The following COX10 variants were observed in gnomAD, a reference collection of about 807,000 sequenced individuals.
COX10 encodes protoheme IX farnesyltransferase, mitochondrial.
In COX10, 27 loss-of-function variants were observed where a neutral mutation model predicts 37.3. The ratio of observed to expected loss-of-function variants is 0.72; its 90% CI spans 0.53 to 1.00. The LOEUF (loss-of-function observed/expected upper bound fraction) is 1.00. Ranked by LOEUF, COX10 falls within the 50% of genes least tolerant of loss-of-function variation. COX10 has a pLI of 0.00. For synonymous variants in COX10, 222 were observed against 229.1 expected, an observed-to-expected ratio of 0.97 and a Z score of 0.28; for missense variants, 475 against 563.2, an observed-to-expected ratio of 0.84 and a Z score of 1.59.
chr17:14,106,786 T>C (rs1207363551), intron 4 of COX10, among the ~76,000 whole-genome samples: 1 of 152,126 alleles, frequency 6.6e-6, no homozygotes, highest in Non-Finnish European at 1.5e-5. Context: ...GGTTTTTTGG[T>C]CAGTTGTTTG....
intron 4 of COX10, among the ~76,000 whole-genome samples, chr17:14,157,779 G>T (rs1430722935): frequency 1.3e-5 from 2 of 152,308 alleles, no homozygotes; most frequent in Middle Eastern, 3.4e-3. Flanking sequence ...CTCTTGGGCT[G>T]CAGCAGTGCC....
rs540862237 is a variant in COX10, at chr17:14,174,892, T to G, written c.695+14945T>G. Among the ~76,000 whole-genome samples the G allele has an allele frequency of 2.7e-4, 40 of 150,420 alleles. No individual in the cohort carries two copies. In the East Asian group the frequency reaches 3.1e-3, roughly 12 times the overall value. On this transcript the variant is annotated intron_variant, in intron 5 of 6. Coordinates refer to ENST00000261643, the MANE Select transcript of COX10 (RefSeq NM_001303.4). ...GATGAATAGATAAACAAAATACGGC[T>G]GAAATACTACTCAGAAATTAAAAGG...
intron 6 of COX10, among the ~76,000 whole-genome samples, chr17:14,196,072 C>T (rs1050563032): frequency 6.6e-6 from 1 of 152,036 alleles, no homozygotes; most frequent in Non-Finnish European, 1.5e-5. Context: ...AAAGGTTTCC[C>T]GTCTTCTGTG....
chr17:14,155,992 T>C (rs966778282), intron 4 of COX10, among the ~76,000 whole-genome samples: 4 of 152,134 alleles, frequency 2.6e-5, no homozygotes, highest in African/African-American at 9.7e-5. Context: ...GCATGGCACG[T>C]GAGGCTCTCT....
intron 5 of COX10, among the ~76,000 whole-genome samples, chr17:14,185,908 C>T (rs1906011596): frequency 6.6e-6 from 1 of 151,742 alleles, no homozygotes; most frequent in East Asian, 1.9e-4. Context: ...TGATCACCCT[C>T]ATGTCATTAG....
intron 4 of COX10, among the ~76,000 whole-genome samples, chr17:14,158,036 G>A (rs139134177): frequency 2.0e-5 from 3 of 152,222 alleles, no homozygotes; most frequent in African/African-American, 7.2e-5. Flanking sequence ...TAAATGAGCT[G>A]TAACTGGATG....
At chr17:14,141,618 C>A (rs1904546657) in intron 4 of COX10, among the ~76,000 whole-genome samples, 1 of 150,484 alleles carries the variant, frequency 6.6e-6, no homozygotes, top group African/African-American at 2.4e-5. Context: ...ATAAAAGTCA[C>A]TGTAAACTGG....
In COX10 at chr17:14,147,120, A is replaced by G. The variant is rs1483549917; in HGVS notation, c.625-12757A>G. ...TCAAAAAACTAACAATAGAGCTGCCATATGATCCAGCACTTCCACTGCTAG... is the reference window on the plus strand; with the variant it reads ...TCAAAAAACTAACAATAGAGCTGCCGTATGATCCAGCACTTCCACTGCTAG... On this transcript the variant is annotated intron_variant, in intron 4 of 6. Coordinates refer to ENST00000261643, the MANE Select transcript of COX10 (RefSeq NM_001303.4). 3.9e-5 allele frequency among the ~76,000 whole-genome samples: 6 copies of G among 152,326 alleles called. No individual in the cohort carries two copies. In the East Asian group the frequency reaches 1.2e-3, roughly 29 times the overall value.
chr17:14,146,934 C>A (rs1163705257), intron 4 of COX10, among the ~76,000 whole-genome samples: 1 of 152,102 alleles, frequency 6.6e-6, no homozygotes, highest in South Asian at 2.1e-4. Flanking sequence ...CAAATCAAAA[C>A]TACAATGAGA....
Position 14,207,348 on chromosome 17 carries a change from A to T in COX10, c.*135A>T. The T allele has an allele frequency of 1.7e-6, 2 of 1,184,262 alleles. No homozygotes were observed. The highest frequency in any genetic ancestry group is 2.3e-6 in the Non-Finnish European group (2 of 887,980). The allele number at this position is 1,184,262 out of a possible 1,614,324, so 73.4% of individuals were successfully genotyped here. ...GAATTCGGTGCTCAGTGATCACTTG[A>T]CAGTTTTTTTTTTTTTTAAATATTA... is the stretch of plus-strand genomic sequence containing the variant. On this transcript the variant is annotated 3_prime_UTR_variant, in exon 7 of 7. Transcript: ENST00000261643.
At chr17:14,169,850 T>C (rs1372302806) in intron 5 of COX10, among the ~76,000 whole-genome samples, 1 of 152,120 alleles carries the variant, frequency 6.6e-6, no homozygotes, top group East Asian at 1.9e-4. Flanking sequence ...TGTTGGGAGG[T>C]AGGGTCTAGT....
chr17:14,145,444 T>C (rs1904683689), intron 4 of COX10, among the ~76,000 whole-genome samples: 1 of 152,174 alleles, frequency 6.6e-6, no homozygotes, highest in African/African-American at 2.4e-5. Flanking sequence ...GTGGTTTCAA[T>C]GCTGTGATGG....
intron 6 of COX10, among the ~76,000 whole-genome samples, chr17:14,197,025 A>G (rs541356487): frequency 6.6e-6 from 1 of 152,194 alleles, no homozygotes; most frequent in Non-Finnish European, 1.5e-5. Flanking sequence ...ACCTTGACTG[A>G]GGATACTTTT....
chr17:14,125,063 A>T (rs1320086361), intron 4 of COX10, among the ~76,000 whole-genome samples: 1 of 152,218 alleles, frequency 6.6e-6, no homozygotes, highest in Non-Finnish European at 1.5e-5. Context: ...TTCCTCCCCT[A>T]AAATGTGAAC....
At chr17:14,072,366 G>A (rs1008317794) in intron 1 of COX10, among the ~76,000 whole-genome samples, 5 of 152,026 alleles carry the variant, frequency 3.3e-5, no homozygotes, top group African/African-American at 1.2e-4. Context: ...GATTACAGAC[G>A]CCCACCACCA....
intron 4 of COX10, among the ~76,000 whole-genome samples, chr17:14,115,359 ATT>A (rs1916087268): frequency 6.6e-6 from 1 of 152,180 alleles, no homozygotes; most frequent in African/African-American, 2.4e-5. Context: ...CAGAGTGGCT[ATT>A]ATTAAAAAGA....
intron 5 of COX10, among the ~76,000 whole-genome samples, chr17:14,169,721 C>T (rs965457175): frequency 2.6e-5 from 4 of 152,162 alleles, no homozygotes; most frequent in Non-Finnish European, 5.9e-5. Context: ...AAAGAACACA[C>T]CTTAGAGTGC....
chr17:14,201,051 T>TA (rs1906528814), intron 6 of COX10, among the ~76,000 whole-genome samples: 1 of 152,160 alleles, frequency 6.6e-6, no homozygotes, highest in Admixed American at 6.5e-5. Flanking sequence ...TGCCTATCTC[T>TA]AGGGGCACAC....
At chr17:14,180,640 A>G (rs1905829433) in intron 5 of COX10, among the ~76,000 whole-genome samples, 1 of 152,204 alleles carries the variant, frequency 6.6e-6, no homozygotes, top group Non-Finnish European at 1.5e-5. Flanking sequence ...AGATATTCTA[A>G]TAAATATGAA....
Sources: gnomAD v4.1 joint callset for allele counts (sites outside exome capture counted in the v4.1 genomes callset) on GRCh38, gnomAD v4.1.1 for gene constraint, MANE v1.5 for transcripts, NCBI Gene and HGNC (gene_info 2026-07-23, HGNC 2026-07-21) for gene names.